The following SYTL5 variants were observed in gnomAD, a reference collection of about 807,000 sequenced individuals.
SYTL5 encodes synaptotagmin like 5.
SYTL5 carries 34 observed loss-of-function variants against 55.9 expected under a neutral mutation model. That is an observed-to-expected ratio of 0.61 (90% CI 0.46 to 0.81). SYTL5 has a LOEUF of 0.81. Among genes scored for constraint, SYTL5 ranks in the 30% least tolerant of loss-of-function variants. The pLI is 0.00. For missense variants in SYTL5, 637 were observed against 546.7 expected (o/e 1.17, Z -1.65); for synonymous variants, 221 against 188.7 (o/e 1.17, Z -1.40).
rs1037075091 is a variant in SYTL5, at chrX:38,040,003, A to G, written c.119+5995A>G. On this transcript the variant is annotated intron_variant, in intron 2 of 16. Transcript: ENST00000297875. ...ATCCTGGCTAACACGGTAAAACCCCATCCCTACTAAAAATACAAAAAATTA... is the reference window on the plus strand; with the variant it reads ...ATCCTGGCTAACACGGTAAAACCCCGTCCCTACTAAAAATACAAAAAATTA... Among the ~76,000 whole-genome samples the G allele has an allele frequency of 1.0e-4, 11 of 110,203 alleles. No homozygotes were observed. The South Asian group carries it at 4.3e-3, about 43-fold the overall frequency.
the SYTL5 span, among the ~76,000 whole-genome samples, chrX:37,976,272 T>C: frequency 8.9e-6 from 1 of 112,624 alleles, no homozygotes; most frequent in African/African-American, 3.2e-5. Context: ...TACCATCACA[T>C]GGTGAGAAGG....
chrX:37,937,120 G>A, the SYTL5 span, among the ~76,000 whole-genome samples: 2 of 109,519 alleles, frequency 1.8e-5, no homozygotes, highest in Non-Finnish European at 3.8e-5. Context: ...ATGATTCCAG[G>A]TCCCAATCCC....
At chrX:37,923,594 A>G in the SYTL5 span, among the ~76,000 whole-genome samples, 3 of 110,079 alleles carry the variant, frequency 2.7e-5, no homozygotes, top group Non-Finnish European at 3.8e-5. Flanking sequence ...CAATTCTCAG[A>G]TATATTCTCA....
chrX:38,056,738 C>T (rs1021646908), intron 3 of SYTL5, among the ~76,000 whole-genome samples: 7 of 111,774 alleles, frequency 6.3e-5, no homozygotes, highest in East Asian at 2.8e-4. Flanking sequence ...TTTTCATATG[C>T]GTGTTTGCCA....
At chrX:38,005,223 G>A (rs1307420914), upstream of SYTL5, among the ~76,000 whole-genome samples, 1 of 111,486 alleles carries the variant, frequency 9.0e-6, no homozygotes, top group African/African-American at 3.2e-5. Context: ...CTATGGAAAT[G>A]CCAATATTAA....
intron 12 of SYTL5, among the ~76,000 whole-genome samples, chrX:38,108,971 T>A (rs1056349832): frequency 8.9e-6 from 1 of 112,527 alleles, no homozygotes; most frequent in African/African-American, 3.2e-5. Context: ...TGATGCTTCT[T>A]GCTAAAAAAT....
chrX:38,073,598 G>A lies in SYTL5; in HGVS notation c.454G>A (p.Glu152Lys). ...SILRRSPGAE[E>K]VQSQEQTRQD... is the part of the protein sequence containing the mutation. ...GATTGTTTGTTAATGAGGAGCTGAA[G>A]AAGTACAGAGCCAAGAGCAAACCCG... Residue 152 changes from glutamate (E) to lysine (K), a missense_variant, in exon 5 of 17, where the codon GAA (glutamate) becomes AAA (lysine). Coordinates refer to ENST00000297875, the MANE Select transcript of SYTL5 (RefSeq NM_138780.3). 1 of 1,181,879 alleles carries A rather than the reference G, an allele frequency of 8.5e-7. No homozygotes were observed. Among genetic ancestry groups the A allele is most frequent in the African/African-American group, 1.8e-5 (1 of 57,091 alleles).
chrX:38,076,524 C>T (rs1014255811), intron 5 of SYTL5, 43 bp from the exon 6 acceptor site: 53 of 970,227 alleles, frequency 5.5e-5, no homozygotes, highest in South Asian at 7.2e-5. Flanking sequence ...TTTTTAAATG[C>T]TTTCTTTCTT....
chrX:38,047,333 C>T (rs1935493950), intron 2 of SYTL5, among the ~76,000 whole-genome samples: 2 of 113,042 alleles, frequency 1.8e-5, no homozygotes, highest in African/African-American at 6.4e-5. Flanking sequence ...TGCAAAGGTT[C>T]CCAAACCCCA....
intron 2 of SYTL5, among the ~76,000 whole-genome samples, chrX:38,037,791 TAGA>T (rs1022692875): frequency 6.6e-5 from 4 of 60,266 alleles, no homozygotes; most frequent in East Asian, 4.6e-4. Context: ...ATTTTTCTGA[TAGA>T]TAGATAGATA....
chrX:38,056,426 T>G (rs974872890), intron 3 of SYTL5, among the ~76,000 whole-genome samples: 1 of 111,991 alleles, frequency 8.9e-6, no homozygotes, highest in Non-Finnish European at 1.9e-5. Context: ...GCAGTAAACA[T>G]GGGAGTGCAG....
intron 3 of SYTL5, among the ~76,000 whole-genome samples, chrX:38,059,440 G>A (rs1253089337): frequency 9.0e-6 from 1 of 111,413 alleles, no homozygotes. Flanking sequence ...ATTAGGATAA[G>A]GCTCTTGCAT....
upstream of SYTL5, among the ~76,000 whole-genome samples, chrX:38,004,418 C>A (rs1410999167): frequency 2.7e-5 from 3 of 111,636 alleles, no homozygotes; most frequent in African/African-American, 6.5e-5. Flanking sequence ...CAATCCCACT[C>A]CTGAGTATAT....
chrX:37,978,781 A>G, the SYTL5 span, among the ~76,000 whole-genome samples: 1 of 111,179 alleles, frequency 9.0e-6, no homozygotes, highest in Non-Finnish European at 1.9e-5. Context: ...ACTGAGAAAA[A>G]GCTTCAAAGA....
chrX:38,010,519 C>G (rs1464382519), intron 1 of SYTL5, among the ~76,000 whole-genome samples: 1 of 112,247 alleles, frequency 8.9e-6, no homozygotes, highest in African/African-American at 3.2e-5. Context: ...CTTTCAGACA[C>G]ATTTTCTTTT....
At chrX:38,000,970 G>A in the SYTL5 span, among the ~76,000 whole-genome samples, 2 of 111,429 alleles carry the variant, frequency 1.8e-5, no homozygotes, top group Non-Finnish European at 3.8e-5. Context: ...ATGTCCAGCT[G>A]CTTGTTTCTC....
intron 1 of SYTL5, among the ~76,000 whole-genome samples, chrX:38,007,000 A>C (rs1934012771): frequency 9.0e-6 from 1 of 111,487 alleles, no homozygotes. Context: ...AGTGACATAA[A>C]AAAATCAAAT....
the SYTL5 span, among the ~76,000 whole-genome samples, chrX:37,966,464 G>T: frequency 2.4e-5 from 2 of 84,791 alleles, no homozygotes; most frequent in Non-Finnish European, 4.4e-5. Context: ...TTGAGACAGA[G>T]TCTCACTCTG....
chrX:37,991,183 A>C, the SYTL5 span: 3 of 1,208,847 alleles, frequency 2.5e-6, no homozygotes, highest in Non-Finnish European at 3.4e-6. Flanking sequence ...AAATCCAGGA[A>C]GAATGACTGA....
Sources: allele counts gnomAD v4.1 joint callset (sites outside exome capture counted in the v4.1 genomes callset), GRCh38; gene constraint gnomAD v4.1.1; transcripts MANE v1.5; gene names NCBI Gene and HGNC (gene_info 2026-07-23, HGNC 2026-07-21).